MAMDC4: variants seen among roughly 807,000 people sequenced by gnomAD.
The protein encoded by MAMDC4 is apical endosomal glycoprotein.
MAMDC4 carries 168 observed loss-of-function variants against 153.3 expected under a neutral mutation model. The observed-to-expected ratio is 1.10, with a 90% confidence interval of 0.97 to 1.25. MAMDC4 has a LOEUF of 1.25. MAMDC4 is among the 50% of genes most tolerant of loss of function. The pLI is 0.00. For synonymous variants in MAMDC4, 744 were observed against 651.5 expected, an observed-to-expected ratio of 1.14 and a Z score of -2.16; for missense variants, 1,701 against 1,542.8, an observed-to-expected ratio of 1.10 and a Z score of -1.72.
rs745351626 is a variant in MAMDC4, at chr9:136,858,717, A to C, written c.2822-2A>C. 6.2e-7 allele frequency: 1 copy of C among 1,612,046 alleles called. No homozygotes were observed. The highest frequency in any genetic ancestry group is 2.2e-5 in the East Asian group (1 of 44,862). The stretch of plus-strand genomic sequence containing the variant: ...TGGGCATCAGCCTCCTCTTGTTCCC[A>C]GGCCACTTTGCCTTCTTTGAAACTG... On this transcript the variant is annotated splice_acceptor_variant, in intron 22 of 26. Coordinates refer to ENST00000317446, the MANE Select transcript of MAMDC4 (RefSeq NM_206920.3). LOFTEE classifies it high-confidence loss of function.
In MAMDC4 at chr9:136,858,848, A is replaced by G; in HGVS notation, c.2951A>G (p.His984Arg). The part of the protein sequence containing the change: ...RFWYHMGFPE[H>R]FYKGELKVLL... ...TGGTACCACATGGGTTTTCCTGAGC[A>G]CTTCTGTGAGTCCGGCTGGGCCAAT... The change falls in exon 23 of 27, where the codon CAC becomes CGC. Residue 984 changes from histidine (H) to arginine (R), a missense_variant. By Grantham distance (29) the His-to-Arg change is conservative. Coordinates refer to ENST00000317446, the MANE Select transcript of MAMDC4 (RefSeq NM_206920.3). The G allele has an allele frequency of 3.7e-6, 6 of 1,607,412 alleles. No individual in the cohort carries two copies. Among genetic ancestry groups the G allele is most frequent in the Non-Finnish European group, 5.1e-6 (6 of 1,177,138 alleles).
intron 25 of MAMDC4, chr9:136,859,678 G>A (rs564716796): frequency 3.3e-6 from 2 of 612,138 alleles, no homozygotes; most frequent in East Asian, 2.8e-5. Flanking sequence ...CTCGCCTGGG[G>A]CCATGAGCCC....
chr9:136,855,678 G>C, intron 12 of MAMDC4, 54 bp from the exon 13 acceptor site: 1 of 1,568,210 alleles, frequency 6.4e-7, no homozygotes, highest in Non-Finnish European at 8.6e-7. Context: ...GTAGGCGCCG[G>C]GGCAGGCTGA....
At position 136,857,781 on chromosome 9, in the gene MAMDC4, A is replaced by G; in HGVS notation, c.2449A>G (p.Ser817Gly). Residue 817 changes from serine to glycine, a missense_variant, in exon 19 of 27, where the codon AGC becomes GGC. Ser to Gly is a moderately conservative substitution (Grantham distance 56, BLOSUM62 0). Coordinates refer to ENST00000317446, the MANE Select transcript of MAMDC4 (RefSeq NM_206920.3). ...TTGTCTGACCTTCTGGTACCACGGG[A>G]GCCTCCGCAGCCCAGGTGAGGGGCT... ...PACLTFWYHG[S>G]LRSPGTLRVY... The G allele has an allele frequency of 6.2e-7, 1 of 1,612,318 alleles. No homozygotes were observed. The highest frequency in any genetic ancestry group is 8.5e-7 in the Non-Finnish European group (1 of 1,179,756).
rs201660443 is a variant in MAMDC4 at position 136,860,650 on chromosome 9, G to A, written c.*47G>A. On this transcript the variant is annotated 3_prime_UTR_variant, in exon 27 of 27. Coordinates refer to ENST00000317446, the MANE Select transcript of MAMDC4 (RefSeq NM_206920.3). ...CTTCCTCACGTGACATCCAGCACTTGGTCAGACCCTAGCCAGGGACCGGAC... is the reference window on the plus strand; with the variant it reads ...CTTCCTCACGTGACATCCAGCACTTAGTCAGACCCTAGCCAGGGACCGGAC... 9.3e-6 allele frequency: 15 copies of A among 1,608,998 alleles called. No homozygotes were observed. The East Asian group carries it at 3.3e-4, about 36-fold the overall frequency.
In MAMDC4 at chr9:136,853,397, G is replaced by A. The variant is rs1354663906; in HGVS notation, c.267G>A (p.Arg89=). 6 of 1,605,052 alleles carry A rather than the reference G, an allele frequency of 3.7e-6. No homozygotes were observed. The Admixed American group carries it at 6.7e-5, about 18-fold the overall frequency. ...STSGYSWLRD[R]AGAALEGPGP... Reference sequence around the variant, plus strand: ...CAGGCTACAGCTGGCTCCGAGACAGGGCAGGGGCCGCACTGGAGGGTCCTG... The same window carrying A: ...CAGGCTACAGCTGGCTCCGAGACAGAGCAGGGGCCGCACTGGAGGGTCCTG... The change falls in exon 3 of 27, where the codon AGG becomes AGA. Residue 89 remains arginine, a synonymous_variant. Coordinates refer to ENST00000317446, the MANE Select transcript of MAMDC4 (RefSeq NM_206920.3).
chr9:136,857,080 GCCCCCGGGGGTTCAGAGT>G, intron 16 of MAMDC4, 39 bp downstream of exon 16: 1 of 1,603,048 alleles, frequency 6.2e-7, no homozygotes, highest in Non-Finnish European at 8.5e-7. Context: ...CTGTGGGGAG[GCCCCCGGGGGTTCAGAGT>G]CCCCCGCTCT....
chr9:136,857,575 A>G lies in MAMDC4; in HGVS notation c.2315A>G (p.Glu772Gly). The G allele has an allele frequency of 3.1e-6, 5 of 1,612,412 alleles. No homozygotes were observed. The highest frequency in any genetic ancestry group is 4.2e-6 in the Non-Finnish European group (5 of 1,179,902). ...GGCCCCCCAACAGACCATACCACTGAGACAGCCCAAGGTATGGGGGCCTGG... is the reference window on the plus strand; with the variant it reads ...GGCCCCCCAACAGACCATACCACTGGGACAGCCCAAGGTATGGGGGCCTGG... ...AWGPPTDHTT[E>G]TAQGHYMVVD... The change falls in exon 18 of 27, where the codon GAG (glutamate) becomes GGG (glycine). Residue 772 changes from glutamate to glycine, a missense_variant. Physicochemically the swap from Glu to Gly is moderately conservative, Grantham distance 98. Transcript: ENST00000317446.
In MAMDC4 at chr9:136,854,075, C is replaced by A; in HGVS notation, c.669C>A (p.Pro223=). The change falls in exon 6 of 27, where the codon CCC becomes CCA. Residue 223 remains proline (P), a splice_region_variant and synonymous_variant. Coordinates refer to ENST00000317446, the MANE Select transcript of MAMDC4 (RefSeq NM_206920.3). ...DDLEFWDCGL[P]TPQANCPPGH... ...TAGAGTTCTGGGACTGTGGTCTGCC[C>A]AGTAAGGCACCGCCTCTTCCTGTTC... The A allele has an allele frequency of 6.2e-7, 1 of 1,612,700 alleles. No homozygotes were observed. The highest frequency in any genetic ancestry group is 8.5e-7 in the Non-Finnish European group (1 of 1,179,876).
Position 136,860,598 on chromosome 9 carries a change from C to T in MAMDC4, c.3409C>T (p.Pro1137Ser). Residue 1137 changes from proline to serine, a missense_variant, in exon 27 of 27, where the codon CCG becomes TCG. Coordinates refer to ENST00000317446, the MANE Select transcript of MAMDC4 (RefSeq NM_206920.3). ...CCTCCCGGCATCTGTCACCAGTGAT[C>T]CGTAGACCACCCCAGACAAGGCCCC... is the stretch of plus-strand genomic sequence containing the variant. Reference protein sequence around the residue: ...VTLPASVTSDP With the variant: ...VTLPASVTSDS 6.2e-7 allele frequency: 1 copy of T among 1,613,292 alleles called. No individual in the cohort carries two copies. Among genetic ancestry groups the T allele is most frequent in the Non-Finnish European group, 8.5e-7 (1 of 1,179,880 alleles).
chr9:136,860,624 G>A lies in MAMDC4; in HGVS notation c.*21G>A, dbSNP rs754630980. On this transcript the variant is annotated 3_prime_UTR_variant, in exon 27 of 27. Coordinates refer to ENST00000317446, the MANE Select transcript of MAMDC4 (RefSeq NM_206920.3). ...CGTAGACCACCCCAGACAAGGCCCCGCTTCCTCACGTGACATCCAGCACTT... is the reference window on the plus strand; with the variant it reads ...CGTAGACCACCCCAGACAAGGCCCCACTTCCTCACGTGACATCCAGCACTT... 4.3e-5 allele frequency: 69 copies of A among 1,612,834 alleles called. No homozygotes were observed. Among genetic ancestry groups the A allele is most frequent in the Admixed American group, 2.0e-4 (12 of 59,972 alleles).
In MAMDC4 at chr9:136,853,616, C is replaced by A. The variant is rs139104706; in HGVS notation, c.400C>A (p.Arg134=). The change falls in exon 4 of 27, where the codon CGA becomes AGA. Residue 134 remains arginine, a synonymous_variant. Coordinates refer to ENST00000317446, the MANE Select transcript of MAMDC4 (RefSeq NM_206920.3). ...CGCAGCCCTGCGCTCGCCAACCCTG[C>A]GAGAGGCAGCCTCCTCTTGCAAGCT... ...STAALRSPTL[R]EAASSCKLRL... is the part of the protein sequence containing the mutation. 1.4e-5 allele frequency: 23 copies of A among 1,612,086 alleles called. No individual in the cohort carries two copies. Among genetic ancestry groups the A allele is most frequent in the Non-Finnish European group, 1.9e-5 (23 of 1,179,796 alleles).
At chr9:136,860,435 CGCTTGA>C (rs1429994509) in intron 26 of MAMDC4, 121 bp from the exon 27 acceptor site, 7 of 985,660 alleles carry the variant, frequency 7.1e-6, no homozygotes, top group African/African-American at 1.6e-5. Flanking sequence ...GCAGGAGAAT[CGCTTGA>C]ACCAGGGAGG....
At position 136,857,592 on chromosome 9, in the gene MAMDC4, G is replaced by A. The variant is rs1189775624; in HGVS notation, c.2326+6G>A. 1 of 1,612,612 alleles carries A rather than the reference G, an allele frequency of 6.2e-7. No individual in the cohort carries two copies. The highest frequency in any genetic ancestry group is 8.5e-7 in the Non-Finnish European group (1 of 1,179,884). ...TACCACTGAGACAGCCCAAGGTATG[G>A]GGGCCTGGCAGGGGCAGGGATTGAG... On this transcript the variant is annotated splice_donor_region_variant and intron_variant, in intron 18 of 26. Coordinates refer to ENST00000317446, the MANE Select transcript of MAMDC4 (RefSeq NM_206920.3).
chr9:136,857,979 G>A lies in MAMDC4; in HGVS notation c.2465G>A (p.Gly822Asp), dbSNP rs1345980569. The change falls in exon 20 of 27, where the codon GGC becomes GAC. Residue 822 changes from glycine to aspartate, a missense_variant and splice_region_variant. By Grantham distance (94) the Gly-to-Asp change is moderately conservative. Coordinates refer to ENST00000317446, the MANE Select transcript of MAMDC4 (RefSeq NM_206920.3). ...TGACCTGGGCCGCCCCTGCTGGCAG[G>A]CACCCTGCGGGTCTACCTGGAGGAG... ...FWYHGSLRSP[G>D]TLRVYLEERG... The A allele has an allele frequency of 8.0e-6, 12 of 1,505,318 alleles. No individual in the cohort carries two copies. In the African/African-American group the frequency reaches 1.4e-4, roughly 18 times the overall value. 93.2% of individuals were successfully genotyped at this position (1,505,318 alleles called of 1,614,324 possible).
chr9:136,860,692 CT>C lies in MAMDC4; in HGVS notation c.*90del. 1.4e-6 allele frequency: 2 copies of C among 1,420,866 alleles called. No homozygotes were observed. Among genetic ancestry groups the C allele is most frequent in the Non-Finnish European group, 2.0e-6 (2 of 1,011,934 alleles). The allele number at this position is 1,420,866 out of a possible 1,614,324, so 88.0% of individuals were successfully genotyped here. The stretch of plus-strand genomic sequence containing the variant: ...GGACCGGACACCTGCCCCGCCCAGG[CT>C]GGGACAGGCTGCAGGTCTCAGGATA... On this transcript the variant is annotated 3_prime_UTR_variant, in exon 27 of 27. Transcript: ENST00000317446.
chr9:136,858,509 C>T lies in MAMDC4; in HGVS notation c.2784C>T (p.Pro928=). Reference sequence around the variant, plus strand: ...GGGGAGCCACCCCCTCTCGTTACCCCCAGCCCCCTGTGGACCACACCCTGG... The same window carrying T: ...GGGGAGCCACCCCCTCTCGTTACCCTCAGCCCCCTGTGGACCACACCCTGG... ...WGGGATPSRY[P]QPPVDHTLGT... The change falls in exon 22 of 27, where the codon CCC becomes CCT. Residue 928 remains proline, a synonymous_variant. Coordinates refer to ENST00000317446, the MANE Select transcript of MAMDC4 (RefSeq NM_206920.3). 1 of 1,602,342 alleles carries T rather than the reference C, an allele frequency of 6.2e-7. No individual in the cohort carries two copies.
At chr9:136,855,684 G>GCTGAGGACT (rs768204341) in intron 12 of MAMDC4, 48 bp from the exon 13 acceptor site, 1 of 1,570,010 alleles carries the variant, frequency 6.4e-7, no homozygotes. Context: ...GCCGGGGCAG[G>GCTGAGGACT]CTGAGGACTC....
rs1848980044 is a variant in MAMDC4, at chr9:136,854,855, G to C, written c.1023+5G>C. The C allele has an allele frequency of 6.2e-7, 1 of 1,612,738 alleles. No individual in the cohort carries two copies. Among genetic ancestry groups the C allele is most frequent in the Non-Finnish European group, 8.5e-7 (1 of 1,179,872 alleles). ...TCAGGCACCTCCAACTGCTCGGTGAGATGGGTGGGGCTCACAGGGCCTCCC... is the reference window on the plus strand; with the variant it reads ...TCAGGCACCTCCAACTGCTCGGTGACATGGGTGGGGCTCACAGGGCCTCCC... On this transcript the variant is annotated splice_donor_5th_base_variant and intron_variant, in intron 9 of 26. Transcript: ENST00000317446.
Sources: allele counts gnomAD v4.1 joint callset, GRCh38; gene constraint gnomAD v4.1.1; transcripts MANE v1.5; gene names NCBI Gene and HGNC (gene_info 2026-07-23, HGNC 2026-07-21).